The following CCDC191 variants were observed in gnomAD, a reference collection of about 807,000 sequenced individuals.
CCDC191 encodes the protein coiled-coil domain containing 191, also known as coiled-coil domain-containing protein 191.
In CCDC191, 99 loss-of-function variants were observed where a neutral mutation model predicts 114.0. The ratio of observed to expected loss-of-function variants is 0.87; its 90% CI spans 0.74 to 1.03. The LOEUF (loss-of-function observed/expected upper bound fraction) is 1.03, where lower values mean the gene tolerates loss of function less well. Among genes scored for constraint, CCDC191 ranks in the 50% least tolerant of loss-of-function variants. The probability of loss-of-function intolerance (pLI) is 0.00; values close to 1 mark genes in which losing one functional copy is unlikely to be tolerated. For synonymous variants in CCDC191, 351 were observed against 376.0 expected, an observed-to-expected ratio of 0.93 and a Z score of 0.77; for missense variants, 973 against 1,087.0, an observed-to-expected ratio of 0.90 and a Z score of 1.47.
chr3:114,006,023 C>G (rs757554290), intron 9 of CCDC191, 61 bp from the exon 10 acceptor site: 1 of 1,402,402 alleles, frequency 7.1e-7, no homozygotes, highest in African/African-American at 1.4e-5. Flanking sequence ...TGAAATCCAA[C>G]ATTTATGAGG....
At chr3:113,973,424 C>T (rs1941016603) in intron 16 of CCDC191, among the ~76,000 whole-genome samples, 1 of 151,944 alleles carries the variant, frequency 6.6e-6, no homozygotes, top group African/African-American at 2.4e-5. Context: ...CAACTGTTTT[C>T]TTTTTGTGTT....
chr3:114,037,988 G>A (rs1354211607), intron 4 of CCDC191, among the ~76,000 whole-genome samples: 1 of 152,106 alleles, frequency 6.6e-6, no homozygotes, highest in Non-Finnish European at 1.5e-5. Flanking sequence ...GGAACGATTG[G>A]ATCATATTAT....
At chr3:113,979,916 G>A (rs1011809754) in intron 14 of CCDC191, among the ~76,000 whole-genome samples, 14 of 152,044 alleles carry the variant, frequency 9.2e-5, no homozygotes, top group Non-Finnish European at 1.0e-4. Flanking sequence ...AAATTTCTGC[G>A]GTGTCTGATT....
chr3:114,000,405 T>G (rs1217771677), intron 13 of CCDC191, among the ~76,000 whole-genome samples: 1 of 152,180 alleles, frequency 6.6e-6, no homozygotes, highest in East Asian at 1.9e-4. Context: ...GAACTGGAAT[T>G]ACACCACTGG....
chr3:113,967,220 A>G (rs1400436513), intron 16 of CCDC191, among the ~76,000 whole-genome samples: 1 of 152,222 alleles, frequency 6.6e-6, no homozygotes, highest in Admixed American at 6.5e-5. Flanking sequence ...GCACACTCCC[A>G]GTCCTTGACC....
chr3:114,001,523 G>C (rs2075855581), intron 13 of CCDC191, 72 bp downstream of exon 13: 1 of 1,557,398 alleles, frequency 6.4e-7, no homozygotes, highest in African/African-American at 1.4e-5. Context: ...GGTTAAAGAA[G>C]GTGGATAGGG....
At position 114,046,697 on chromosome 3, in the gene CCDC191, ATTTGACACTGCAAACTCTGAGGCT is replaced by A; in HGVS notation, c.141_164del (p.Lys47_Ser54del). 1 of 1,612,502 alleles carries A rather than the reference ATTTGACACTGCAAACTCTGAGGCT, an allele frequency of 6.2e-7. No homozygotes were observed. Among genetic ancestry groups the A allele is most frequent in the African/African-American group, 1.3e-5 (1 of 75,004 alleles). ...AATCTGAATTTCTAGTAAAAAATGC[ATTTGACACTGCAAACTCTGAGGCT>A]TTCTCCACTCTCTTCAATATAACAG... On this transcript the variant is annotated inframe_deletion, in exon 3 of 17. Transcript: ENST00000295878.
chr3:114,031,480 T>C (rs1021447083), intron 7 of CCDC191, 146 bp downstream of exon 7: 12 of 680,210 alleles, frequency 1.8e-5, no homozygotes, highest in Non-Finnish European at 3.1e-5. Flanking sequence ...CCAGGTCAGC[T>C]GGGCACAAAG....
intron 1 of CCDC191, among the ~76,000 whole-genome samples, chr3:114,053,838 CTGAT>C (rs775811622): frequency 3.3e-5 from 5 of 152,314 alleles, no homozygotes; most frequent in African/African-American, 4.8e-5. Context: ...TCCTGGGACA[CTGAT>C]TGTTTTTATT....
intron 2 of CCDC191, among the ~76,000 whole-genome samples, chr3:114,047,690 T>G (rs1489715670): frequency 1.3e-5 from 2 of 151,974 alleles, no homozygotes; most frequent in Admixed American, 6.6e-5. Context: ...TAAATAAATT[T>G]TAAAGCTGGG....
chr3:114,035,914 T>C (rs2076476307), intron 5 of CCDC191, among the ~76,000 whole-genome samples: 1 of 152,174 alleles, frequency 6.6e-6, no homozygotes, highest in African/African-American at 2.4e-5. Flanking sequence ...CCAGTGCTGA[T>C]TACATATACC....
At chr3:113,974,210 ACTG>A (rs1379353291) in intron 16 of CCDC191, among the ~76,000 whole-genome samples, 3 of 151,704 alleles carry the variant, frequency 2.0e-5, no homozygotes, top group Non-Finnish European at 2.9e-5. Context: ...TTTCCTTAAA[ACTG>A]CTATTTTGAA....
At chr3:114,030,808 T>G (rs1353795295) in intron 7 of CCDC191, among the ~76,000 whole-genome samples, 2 of 152,196 alleles carry the variant, frequency 1.3e-5, no homozygotes, top group Admixed American at 1.3e-4. Context: ...CTTCCTAACA[T>G]TCTCTTTTCT....
intron 8 of CCDC191, among the ~76,000 whole-genome samples, chr3:114,015,600 T>C (rs1359196785): frequency 3.3e-5 from 5 of 152,126 alleles, no homozygotes; most frequent in Admixed American, 6.6e-5. Flanking sequence ...GGAACCAACT[T>C]TCAAAAATGA....
intron 16 of CCDC191, among the ~76,000 whole-genome samples, chr3:113,969,497 C>G (rs1271321611): frequency 3.3e-5 from 5 of 152,194 alleles, no homozygotes; most frequent in Non-Finnish European, 7.4e-5. Flanking sequence ...AGATTTAAAT[C>G]TGTAACCCAT....
At chr3:114,027,601 C>CA (rs67548547) in intron 7 of CCDC191, among the ~76,000 whole-genome samples, 4,110 of 58,610 alleles carry the variant, frequency 0.07, 456 homozygotes, top group African/African-American at 0.22. Flanking sequence ...GACTCTGTCT[C>CA]AAAAAAAAAA....
At chr3:114,006,116 G>A in intron 9 of CCDC191, 154 bp from the exon 10 acceptor site, 1 of 725,916 alleles carries the variant, frequency 1.4e-6, no homozygotes, top group Non-Finnish European at 2.5e-6. Context: ...TACCTCAGAG[G>A]CCACCACTCT....
At chr3:114,003,432 G>A in intron 11 of CCDC191, 9 of 985,364 alleles carry the variant, frequency 9.1e-6, no homozygotes, top group Non-Finnish European at 1.1e-5. Context: ...AAGAATGGTA[G>A]TGCCACAGAT....
chr3:114,004,071 C>A (rs1043249133), intron 11 of CCDC191: 1 of 950,666 alleles, frequency 1.1e-6, no homozygotes, highest in East Asian at 1.2e-4. Context: ...GAGTTTGAGA[C>A]CAGCCTGGGC....
Sources: gnomAD v4.1 joint callset for allele counts (sites outside exome capture counted in the v4.1 genomes callset) on GRCh38, gnomAD v4.1.1 for gene constraint, MANE v1.5 for transcripts, NCBI Gene and HGNC (gene_info 2026-07-23, HGNC 2026-07-21) for gene names.